Variants in SCHIP1 observed in about 807,000 individuals in gnomAD.
SCHIP1 encodes schwannomin interacting protein 1, also known as schwannomin-interacting protein 1.
In SCHIP1, 8 loss-of-function variants were observed where a neutral mutation model predicts 29.7. That is an observed-to-expected ratio of 0.27 (90% CI 0.16 to 0.49). The LOEUF is 0.49. SCHIP1 is among the 20% of genes least tolerant of loss of function. SCHIP1 has a pLI of 0.99. For missense variants in SCHIP1, 193 were observed against 294.6 expected (o/e 0.66, Z 2.52); for synonymous variants, 76 against 94.9 (o/e 0.80, Z 1.16).
the SCHIP1 span, among the ~76,000 whole-genome samples, chr3:159,694,104 TC>T: frequency 6.6e-6 from 1 of 152,220 alleles, no homozygotes; most frequent in African/African-American, 2.4e-5. Context: ...TCTTACCATA[TC>T]ATGATCTACT....
chr3:159,404,975 G>T, the SCHIP1 span, among the ~76,000 whole-genome samples: 1 of 152,170 alleles, frequency 6.6e-6, no homozygotes, highest in African/African-American at 2.4e-5. Context: ...GAAAGTAAGG[G>T]AATAGAAGAG....
chr3:159,607,461 A>G, the SCHIP1 span, among the ~76,000 whole-genome samples: 3 of 152,202 alleles, frequency 2.0e-5, no homozygotes, highest in Admixed American at 6.5e-5. Flanking sequence ...GATAAAGAAG[A>G]CATTCAACTG....
chr3:159,645,362 C>T, the SCHIP1 span, among the ~76,000 whole-genome samples: 1 of 152,096 alleles, frequency 6.6e-6, no homozygotes, highest in African/African-American at 2.4e-5. Context: ...CCAAAAAGTG[C>T]TTATCACATC....
the SCHIP1 span, among the ~76,000 whole-genome samples, chr3:159,814,512 G>T: frequency 9.2e-5 from 14 of 152,136 alleles, no homozygotes; most frequent in Admixed American, 9.2e-4. Flanking sequence ...GTAGTGTTTT[G>T]TAGTGGCTAC....
At chr3:159,647,402 T>C in the SCHIP1 span, among the ~76,000 whole-genome samples, 1 of 152,076 alleles carries the variant, frequency 6.6e-6, no homozygotes, top group Non-Finnish European at 1.5e-5. Flanking sequence ...TCAAGAATCT[T>C]GTCACTGGAT....
At chr3:159,731,837 C>G in the SCHIP1 span, among the ~76,000 whole-genome samples, 1 of 152,096 alleles carries the variant, frequency 6.6e-6, no homozygotes, top group Non-Finnish European at 1.5e-5. Context: ...TAAAATTAGC[C>G]CACCAAATAT....
At chr3:159,773,386 C>T in the SCHIP1 span, among the ~76,000 whole-genome samples, 1 of 152,238 alleles carries the variant, frequency 6.6e-6, no homozygotes, top group Non-Finnish European at 1.5e-5. Context: ...AAACTAAGGT[C>T]TGTGAAGATT....
the SCHIP1 span, among the ~76,000 whole-genome samples, chr3:159,397,108 C>T: frequency 9.2e-5 from 14 of 151,580 alleles, no homozygotes; most frequent in South Asian, 6.3e-4. Flanking sequence ...TCCAGTTGAT[C>T]GCATTGGCTC....
the SCHIP1 span, among the ~76,000 whole-genome samples, chr3:159,281,748 T>G: frequency 1.3e-5 from 2 of 152,156 alleles, no homozygotes; most frequent in Non-Finnish European, 2.9e-5. Context: ...CATTGTAATA[T>G]TCTCTGTCTC....
At chr3:159,537,658 C>T in the SCHIP1 span, among the ~76,000 whole-genome samples, 1 of 152,096 alleles carries the variant, frequency 6.6e-6, no homozygotes, top group South Asian at 2.1e-4. Context: ...CTTTTTTAAT[C>T]TACTACATGA....
chr3:159,666,181 A>G, the SCHIP1 span, among the ~76,000 whole-genome samples: 4 of 152,212 alleles, frequency 2.6e-5, no homozygotes, highest in Admixed American at 6.5e-5. Flanking sequence ...GCTCCTGCAT[A>G]TAGTTGTACA....
the SCHIP1 span, among the ~76,000 whole-genome samples, chr3:159,761,424 A>G: frequency 6.6e-6 from 1 of 152,242 alleles, no homozygotes; most frequent in African/African-American, 2.4e-5. Context: ...GACAAATCTA[A>G]GTCTGAAAGC....
the SCHIP1 span, among the ~76,000 whole-genome samples, chr3:159,485,143 A>G: frequency 6.6e-6 from 1 of 151,218 alleles, no homozygotes; most frequent in Non-Finnish European, 1.5e-5. Flanking sequence ...CTGCTCCCTC[A>G]TACTTCCTGG....
At chr3:159,805,933 C>T in the SCHIP1 span, among the ~76,000 whole-genome samples, 26 of 151,862 alleles carry the variant, frequency 1.7e-4, no homozygotes, top group East Asian at 3.9e-4. Flanking sequence ...CTCAGCGTCC[C>T]GAGTAGCTGG....
At chr3:159,276,901 G>A in the SCHIP1 span, among the ~76,000 whole-genome samples, 2 of 152,166 alleles carry the variant, frequency 1.3e-5, no homozygotes, top group African/African-American at 4.8e-5. Context: ...TCCTAGGGAC[G>A]AAGTCAGCCC....
the SCHIP1 span, among the ~76,000 whole-genome samples, chr3:159,305,423 A>G: frequency 1.3e-5 from 2 of 152,202 alleles, no homozygotes; most frequent in African/African-American, 4.8e-5. Context: ...CCATACCTGT[A>G]AATTTGTCTT....
intron 6 of SCHIP1, chr3:159,894,709 T>C (rs4680529): frequency 1.7e-5 from 2 of 116,576 alleles, no homozygotes; most frequent in Non-Finnish European, 4.0e-5. Context: ...GCAATTGTTG[T>C]TTTAAAAAAA....
the SCHIP1 span, among the ~76,000 whole-genome samples, chr3:159,486,430 C>T: frequency 1.3e-5 from 2 of 152,274 alleles, no homozygotes; most frequent in South Asian, 4.2e-4. Flanking sequence ...TTTCACTTAG[C>T]CTCTAGGTTC....
the SCHIP1 span, among the ~76,000 whole-genome samples, chr3:159,644,607 C>T: frequency 6.6e-6 from 1 of 152,070 alleles, no homozygotes; most frequent in Non-Finnish European, 1.5e-5. Flanking sequence ...TCACATTGAT[C>T]AATAAGCAGG....
Sources: allele counts gnomAD v4.1 joint callset (sites outside exome capture counted in the v4.1 genomes callset), GRCh38; gene constraint gnomAD v4.1.1; transcripts MANE v1.5; gene names NCBI Gene and HGNC (gene_info 2026-07-23, HGNC 2026-07-21).